Variants in NCALD observed in about 807,000 individuals in gnomAD.
The protein encoded by NCALD is neurocalcin delta.
A neutral mutation model predicts 18.6 loss-of-function variants in NCALD; 10 were observed. That is an observed-to-expected ratio of 0.54 (90% CI 0.33 to 0.91). The LOEUF (loss-of-function observed/expected upper bound fraction) is 0.91, where lower values mean the gene tolerates loss of function less well. NCALD is among the 40% of genes least tolerant of loss of function. The pLI is 0.03. For missense variants in NCALD, 184 were observed against 247.6 expected, an observed-to-expected ratio of 0.74 and a Z score of 1.72; for synonymous variants, 88 against 87.4, an observed-to-expected ratio of 1.01 and a Z score of -0.04.
intron 4 of NCALD, among the ~76,000 whole-genome samples, chr8:101,814,193 C>T (rs1320918236): frequency 1.3e-5 from 2 of 151,708 alleles, no homozygotes; most frequent in Non-Finnish European, 2.9e-5. Context: ...AACCCAAAGA[C>T]ATAACAAAAA....
chr8:101,888,055 G>A (rs998325637), intron 3 of NCALD, among the ~76,000 whole-genome samples: 8 of 152,178 alleles, frequency 5.3e-5, no homozygotes, highest in African/African-American at 1.9e-4. Flanking sequence ...AAGTTCTGAG[G>A]TCATTCTGAG....
intron 4 of NCALD, among the ~76,000 whole-genome samples, chr8:101,875,559 T>C (rs1424666914): frequency 5.9e-5 from 9 of 152,212 alleles, no homozygotes; most frequent in Non-Finnish European, 1.3e-4. Flanking sequence ...CTCTCTTTCC[T>C]AGCACTTCTC....
At chr8:102,038,383 T>C (rs1822941425) in intron 1 of NCALD, among the ~76,000 whole-genome samples, 1 of 152,136 alleles carries the variant, frequency 6.6e-6, no homozygotes, top group African/African-American at 2.4e-5. Flanking sequence ...TAAGACAGGC[T>C]TATCACACAA....
intron 1 of NCALD, among the ~76,000 whole-genome samples, chr8:101,776,173 A>G (rs1015813486): frequency 9.2e-5 from 14 of 152,172 alleles, no homozygotes; most frequent in African/African-American, 3.1e-4. Context: ...AAGACAAGAG[A>G]TGAATGATCA....
At chr8:101,840,872 T>C (rs1246384583) in intron 4 of NCALD, among the ~76,000 whole-genome samples, 2 of 152,198 alleles carry the variant, frequency 1.3e-5, no homozygotes, top group African/African-American at 2.4e-5. Flanking sequence ...TTGATTCGAA[T>C]ACTTGAAGAG....
chr8:101,845,927 T>C (rs1148498), intron 4 of NCALD, among the ~76,000 whole-genome samples: 58,903 of 152,068 alleles, frequency 0.39, 14,779 homozygotes, highest in African/African-American at 0.71. Flanking sequence ...GGAGGGAGTA[T>C]CTGTGATATT....
At chr8:101,827,258 C>T (rs1387022850) in intron 4 of NCALD, among the ~76,000 whole-genome samples, 2 of 152,148 alleles carry the variant, frequency 1.3e-5, no homozygotes, top group Admixed American at 6.5e-5. Context: ...CTGCCTTTTT[C>T]TTTTCAGGAC....
chr8:101,886,882 A>C (rs541080047), intron 4 of NCALD, among the ~76,000 whole-genome samples: 1 of 152,274 alleles, frequency 6.6e-6, no homozygotes, highest in Admixed American at 6.5e-5. Flanking sequence ...GTACTTAAAT[A>C]AGGTTTCCGC....
intron 2 of NCALD, among the ~76,000 whole-genome samples, chr8:101,970,920 T>G (rs1820216264): frequency 6.6e-6 from 1 of 152,158 alleles, no homozygotes. Context: ...TGGGGACAGG[T>G]CTCTTATGAG....
intron 2 of NCALD, among the ~76,000 whole-genome samples, chr8:101,952,741 C>T (rs1399785119): frequency 6.6e-6 from 1 of 152,134 alleles, no homozygotes; most frequent in African/African-American, 2.4e-5. Flanking sequence ...ATCAGAGGCC[C>T]TTAAGTGTGG....
chr8:102,020,270 T>G (rs1187008002), exon 2 of NCALD: 1 of 151,122 alleles, frequency 6.6e-6, no homozygotes, highest in Non-Finnish European at 1.5e-5. Context: ...CACTGCAGGC[T>G]CAAGTCAGAA....
intron 2 of NCALD, among the ~76,000 whole-genome samples, chr8:101,945,765 C>T (rs981382560): frequency 1.3e-5 from 2 of 152,208 alleles, no homozygotes; most frequent in Non-Finnish European, 2.9e-5. Context: ...TCCTCAATCC[C>T]TGCTTTCAAA....
chr8:101,721,839 T>G (rs1027837812), intron 1 of NCALD, among the ~76,000 whole-genome samples: 3 of 150,876 alleles, frequency 2.0e-5, no homozygotes, highest in African/African-American at 7.3e-5. Context: ...AACTTACTTT[T>G]TGGGTTCCCC....
At chr8:102,069,816 G>A (rs1563590942) in intron 1 of NCALD, among the ~76,000 whole-genome samples, 1 of 152,148 alleles carries the variant, frequency 6.6e-6, no homozygotes, top group Admixed American at 6.6e-5. Flanking sequence ...TTTAAGTTTG[G>A]AAAGTAATTG....
chr8:101,984,204 G>C (rs985562433), intron 2 of NCALD, among the ~76,000 whole-genome samples: 2 of 152,148 alleles, frequency 1.3e-5, no homozygotes, highest in Admixed American at 1.3e-4. Context: ...AGATTTTAAT[G>C]CCAAAAACAT....
intron 2 of NCALD, among the ~76,000 whole-genome samples, chr8:101,702,607 T>C (rs1563671171): frequency 6.6e-6 from 1 of 152,220 alleles, no homozygotes; most frequent in Non-Finnish European, 1.5e-5. Flanking sequence ...GGGAGCTTAC[T>C]ATTTAGAATA....
At chr8:101,724,546 A>G (rs1428552752) in intron 1 of NCALD, among the ~76,000 whole-genome samples, 1 of 152,198 alleles carries the variant, frequency 6.6e-6, no homozygotes, top group Non-Finnish European at 1.5e-5. Flanking sequence ...TTCATCTCTT[A>G]TTGATTCCAT....
intron 2 of NCALD, among the ~76,000 whole-genome samples, chr8:101,935,131 A>G (rs940268194): frequency 1.3e-5 from 2 of 152,152 alleles, no homozygotes; most frequent in Non-Finnish European, 2.9e-5. Context: ...AGTAGCCTCT[A>G]CATCAAAAAG....
chr8:102,017,968 A>G (rs1822145669), intron 2 of NCALD, among the ~76,000 whole-genome samples: 1 of 152,220 alleles, frequency 6.6e-6, no homozygotes, highest in Non-Finnish European at 1.5e-5. Context: ...AGATACGCAG[A>G]TGGCAAAGTA....
Sources: allele counts gnomAD v4.1 joint callset (sites outside exome capture counted in the v4.1 genomes callset), GRCh38; gene constraint gnomAD v4.1.1; transcripts MANE v1.5; gene names NCBI Gene and HGNC (gene_info 2026-07-23, HGNC 2026-07-21).